The following CTSF variants were observed in gnomAD, a reference collection of about 807,000 sequenced individuals.
CTSF encodes the protein cathepsin F.
A neutral mutation model predicts 63.5 loss-of-function variants in CTSF; 65 were observed. That is an observed-to-expected ratio of 1.02 (90% confidence interval 0.84 to 1.26). The LOEUF (loss-of-function observed/expected upper bound fraction) is 1.26, where lower values mean the gene tolerates loss of function less well. CTSF is among the 50% of genes most tolerant of loss of function. The pLI, the probability that CTSF is intolerant of heterozygous loss-of-function variation, is 0.00. For synonymous variants in CTSF, 256 were observed against 258.1 expected (o/e 0.99, Z 0.08); for missense variants, 641 against 631.0 (o/e 1.02, Z -0.17).
rs755101005 is a variant in CTSF, at chr11:66,566,180, G to A, written c.722-13C>T. The A allele has an allele frequency of 6.2e-7, 1 of 1,614,072 alleles. No individual in the cohort carries two copies. Among genetic ancestry groups the A allele is most frequent in the South Asian group, 1.1e-5 (1 of 91,084 alleles). On this transcript the variant is annotated splice_polypyrimidine_tract_variant and intron_variant, in intron 5 of 12. Transcript: ENST00000310325. ...CGGAACTCCTCCTCTGCGGGCAAAGGTGGGCAGGGCATGGGGAGGAAGAGT... is the reference window on the plus strand; with the variant it reads ...CGGAACTCCTCCTCTGCGGGCAAAGATGGGCAGGGCATGGGGAGGAAGAGT...
In CTSF at chr11:66,568,261, G is replaced by A. The variant is rs1453032340; in HGVS notation, c.213+13C>T. ...ACCCGGGCCTGGCGCCCCCGCCCCC[G>A]GCGCGTCCTCACCCGGCGGACGCGG... is the stretch of plus-strand genomic sequence containing the variant. On this transcript the variant is annotated intron_variant, in intron 1 of 12. Transcript: ENST00000310325. 1.3e-6 allele frequency: 2 copies of A among 1,512,180 alleles called. No individual in the cohort carries two copies. The highest frequency in any genetic ancestry group is 2.4e-5 in the South Asian group (2 of 82,592). The allele number at this position is 1,512,180 out of a possible 1,614,324, so 93.7% of individuals were successfully genotyped here.
chr11:66,564,317 G>C (rs1456647893), intron 11 of CTSF, 171 bp from the exon 12 acceptor site: 3 of 911,608 alleles, frequency 3.3e-6, no homozygotes, highest in Non-Finnish European at 4.9e-6. Context: ...CCCTGGGGCA[G>C]GGAGGAAGCA....
chr11:66,564,620 A>T lies in CTSF; in HGVS notation c.1259T>A (p.Leu420His). 2 of 1,605,894 alleles carry T rather than the reference A, an allele frequency of 1.2e-6. No homozygotes were observed. The highest frequency in any genetic ancestry group is 1.7e-6 in the Non-Finnish European group (2 of 1,176,386). Residue 420 changes from leucine to histidine, a missense_variant, in exon 11 of 13, where the codon CTC becomes CAC. Physicochemically the swap from Leu to His is moderately conservative, Grantham distance 99. Coordinates refer to ENST00000310325, the MANE Select transcript of CTSF (RefSeq NM_003793.4). ...QFYRHGISRP[L>H]RPLCSPWLID... is the part of the protein sequence containing the mutation. The stretch of plus-strand genomic sequence containing the variant: ...GAGCCAAGGGCTGCAGAGGGGCCGG[A>T]GAGGGCGGGAGATCCCGTGGCGGTA...
At chr11:66,564,844 C>G in intron 9 of CTSF, 38 bp from the exon 10 acceptor site, 1 of 1,614,098 alleles carries the variant, frequency 6.2e-7, no homozygotes, top group Non-Finnish European at 8.5e-7. Context: ...GGCACCCAGG[C>G]CCCGGCCCCA....
chr11:66,564,266 A>G, intron 11 of CTSF, 120 bp from the exon 12 acceptor site: 1 of 1,310,144 alleles, frequency 7.6e-7, no homozygotes, highest in South Asian at 1.4e-5. Flanking sequence ...CTAGGAAAAG[A>G]GCAGAAAGCG....
intron 11 of CTSF, 94 bp downstream of exon 11, chr11:66,564,464 C>T: frequency 1.7e-6 from 2 of 1,159,786 alleles, no homozygotes; most frequent in Non-Finnish European, 2.4e-6. Context: ...GGTTCCTAGG[C>T]ATTCCCCCTA....
chr11:66,564,748 G>C lies in CTSF; in HGVS notation c.1224C>G (p.Gly408=). 1 of 1,614,026 alleles carries C rather than the reference G, an allele frequency of 6.2e-7. No individual in the cohort carries two copies. The part of the protein sequence containing the change: ...GPISVAINAF[G]MQFYRHGISR... ...AGTGGGGCTAGGGCCTCACCTGCAT[G>C]CCAAAGGCATTGATGGCCACGGAGA... Residue 408 remains glycine, a synonymous_variant, in exon 10 of 13, where the codon GGC becomes GGG. Transcript: ENST00000310325.
chr11:66,564,028 G>T (rs1311655041), intron 12 of CTSF, 21 bp from the exon 13 acceptor site: 1 of 1,613,928 alleles, frequency 6.2e-7, no homozygotes, highest in East Asian at 2.2e-5. Flanking sequence ...GGGGGAGCTG[G>T]TGAGGGCACC....
In CTSF at chr11:66,568,442, C is replaced by G; in HGVS notation, c.45G>C (p.Pro15=). ...GCTGGGCGGGGGCGGCCACTGCGCC[C>G]GGGAGCAGCCCCAGCAGCGACAGGA... The part of the protein sequence containing the change: ...LQLLSLLGLL[P]GAVAAPAQPR... Residue 15 remains proline, a synonymous_variant, in exon 1 of 13, where the codon CCG becomes CCC. Coordinates refer to ENST00000310325, the MANE Select transcript of CTSF (RefSeq NM_003793.4). The G allele has an allele frequency of 7.2e-7, 1 of 1,386,062 alleles. No homozygotes were observed. The highest frequency in any genetic ancestry group is 9.3e-7 in the Non-Finnish European group (1 of 1,080,134). 85.9% of individuals were successfully genotyped at this position (1,386,062 alleles called of 1,614,324 possible). A position where few individuals can be genotyped will look rare whatever the true frequency, so the allele number is the denominator to read the frequency against.
At chr11:66,567,365 T>C in intron 3 of CTSF, 44 bp from the exon 4 acceptor site, 3 of 1,613,436 alleles carry the variant, frequency 1.9e-6, no homozygotes, top group Non-Finnish European at 2.5e-6. Flanking sequence ...AGAAACCCAC[T>C]CCAGAGGGAA....
chr11:66,564,403 G>A (rs1332180170), intron 11 of CTSF, 155 bp downstream of exon 11: 1 of 798,490 alleles, frequency 1.3e-6, no homozygotes, highest in Non-Finnish European at 1.9e-6. Context: ...CTGCCATAGA[G>A]AGGACAGATG....
chr11:66,568,568 G>C lies in CTSF; in HGVS notation c.-82C>G, dbSNP rs1857990066. Reference sequence around the variant, plus strand: ...ACCGAGCCCGCGGCCAGCGGGGCCTGAGTCCTCCCTCCAGCGGGGCGACGG... The same window carrying C: ...ACCGAGCCCGCGGCCAGCGGGGCCTCAGTCCTCCCTCCAGCGGGGCGACGG... On this transcript the variant is annotated 5_prime_UTR_variant, in exon 1 of 13. Coordinates refer to ENST00000310325, the MANE Select transcript of CTSF (RefSeq NM_003793.4). 10 of 1,414,096 alleles carry C rather than the reference G, an allele frequency of 7.1e-6. No individual in the cohort carries two copies. Among genetic ancestry groups the C allele is most frequent in the Non-Finnish European group, 9.2e-6 (10 of 1,082,668 alleles). The allele number at this position is 1,414,096 out of a possible 1,614,324, so 87.6% of individuals were successfully genotyped here.
At position 66,568,518 on chromosome 11, in the gene CTSF, C is replaced by G. The variant is rs1395416421; in HGVS notation, c.-32G>C. On this transcript the variant is annotated 5_prime_UTR_variant, in exon 1 of 13. Transcript: ENST00000310325. ...GGCGAAGCCGGCGGCCCGGACCCAACAGACGCTCCACCGACCCACCGGGTA... is the reference window on the plus strand; with the variant it reads ...GGCGAAGCCGGCGGCCCGGACCCAAGAGACGCTCCACCGACCCACCGGGTA... 8.1e-6 allele frequency: 12 copies of G among 1,482,374 alleles called. No homozygotes were observed. Among genetic ancestry groups the G allele is most frequent in the Non-Finnish European group, 1.1e-5 (12 of 1,123,666 alleles). The allele number at this position is 1,482,374 out of a possible 1,614,324, so 91.8% of individuals were successfully genotyped here. A position where few individuals can be genotyped will look rare whatever the true frequency, so the allele number is the denominator to read the frequency against.
At chr11:66,564,309 C>A in intron 11 of CTSF, 163 bp from the exon 12 acceptor site, 1 of 970,706 alleles carries the variant, frequency 1.0e-6, no homozygotes, top group South Asian at 1.7e-5. Flanking sequence ...GGGAGAAGCC[C>A]TGGGGCAGGG....
chr11:66,563,704 C>T lies in CTSF; in HGVS notation c.*229G>A. ...AAGATACCACCCTTCACCCCGACAT[C>T]CTCCTAAGCTACCACAATTCAACAA... On this transcript the variant is annotated 3_prime_UTR_variant, in exon 13 of 13. Coordinates refer to ENST00000310325, the MANE Select transcript of CTSF (RefSeq NM_003793.4). 1 of 606,512 alleles carries T rather than the reference C, an allele frequency of 1.6e-6. No individual in the cohort carries two copies. Among genetic ancestry groups the T allele is most frequent in the Non-Finnish European group, 2.9e-6 (1 of 345,008 alleles). 37.6% of individuals were successfully genotyped at this position (606,512 alleles called of 1,614,324 possible). A position where few individuals can be genotyped will look rare whatever the true frequency, so the allele number is the denominator to read the frequency against.
In CTSF at chr11:66,563,860, G is replaced by A; in HGVS notation, c.*73C>T. 2.5e-6 allele frequency: 4 copies of A among 1,577,924 alleles called. No individual in the cohort carries two copies. In the Admixed American group the frequency reaches 5.1e-5, roughly 20 times the overall value. On this transcript the variant is annotated 3_prime_UTR_variant, in exon 13 of 13. Coordinates refer to ENST00000310325, the MANE Select transcript of CTSF (RefSeq NM_003793.4). Reference sequence around the variant, plus strand: ...TCTGCCAGCTGTACCTCCCGGGGAGGGGCCTGGACACATGTCAGGCTGGGG... The same window carrying A: ...TCTGCCAGCTGTACCTCCCGGGGAGAGGCCTGGACACATGTCAGGCTGGGG...
At chr11:66,568,222 C>T in intron 1 of CTSF, 52 bp downstream of exon 1, 1 of 1,522,788 alleles carries the variant, frequency 6.6e-7, no homozygotes, top group Non-Finnish European at 8.8e-7. Flanking sequence ...TAGGTCAAAG[C>T]TCCTATCCCT....
chr11:66,566,211 A>G lies in CTSF; in HGVS notation c.722-44T>C, dbSNP rs182076457. 5.1e-4 allele frequency: 831 copies of G among 1,613,808 alleles called. 3 individuals are homozygous for G. The African/African-American group carries it at 9.1e-3, about 18-fold the overall frequency. On this transcript the variant is annotated intron_variant, in intron 5 of 12. Transcript: ENST00000310325. ...AGGGCATGGGGAGGAAGAGTGTTCT[A>G]AGCCAGACCTGACCAGAGGCCTTGC...
chr11:66,566,066 A>G lies in CTSF; in HGVS notation c.823T>C (p.Trp275Arg). Residue 275 changes from tryptophan to arginine, a missense_variant, in exon 6 of 13, where the codon TGG (tryptophan) becomes CGG (arginine). Trp to Arg is a moderately radical substitution (Grantham distance 101, BLOSUM62 -3). Coordinates refer to ENST00000310325, the MANE Select transcript of CTSF (RefSeq NM_003793.4). ...KSVGDLAPPE[W>R]DWRSKGAVTK... ...ACAGCCCCCTTACTCCTCCAGTCCC[A>G]TTCAGGTGGGGCGAGGTCACCCACA... 1 of 1,614,110 alleles carries G rather than the reference A, an allele frequency of 6.2e-7. No individual in the cohort carries two copies. Among genetic ancestry groups the G allele is most frequent in the Non-Finnish European group, 8.5e-7 (1 of 1,180,008 alleles).
Sources: gnomAD v4.1 joint callset for allele counts on GRCh38, gnomAD v4.1.1 for gene constraint, MANE v1.5 for transcripts, NCBI Gene and HGNC (gene_info 2026-07-23, HGNC 2026-07-21) for gene names.